The following BOK variants were observed in gnomAD, a reference collection of about 807,000 sequenced individuals.
The protein encoded by BOK is BCL2 family apoptosis regulator BOK.
A neutral mutation model predicts 18.3 loss-of-function variants in BOK; 20 were observed. The observed-to-expected ratio is 1.09, with a 90% CI of 0.77 to 1.59. The LOEUF is 1.59. Among genes scored for constraint, BOK ranks in the 40% most tolerant of loss-of-function variants. BOK has a pLI of 0.00. For synonymous variants in BOK, 173 were observed against 142.4 expected (o/e 1.21, Z -1.53); for missense variants, 348 against 307.9 (o/e 1.13, Z -0.97).
chr2:241,564,805 G>A (rs1372789073), intron 3 of BOK, among the ~76,000 whole-genome samples: 2 of 152,204 alleles, frequency 1.3e-5, no homozygotes, highest in Admixed American at 1.3e-4. Context: ...TGTCTGTCTC[G>A]GGGCCGCTGG....
intron 2 of BOK, among the ~76,000 whole-genome samples, chr2:241,561,395 G>T (rs1366045324): frequency 6.6e-6 from 1 of 151,960 alleles, no homozygotes; most frequent in Non-Finnish European, 1.5e-5. Context: ...GGCAGCAAGA[G>T]CCCAGGTGGG....
Position 241,572,338 on chromosome 2 carries a change from C to T in BOK, c.555C>T (p.Leu185=). The T allele has an allele frequency of 6.2e-7, 1 of 1,610,998 alleles. No individual in the cohort carries two copies. Among genetic ancestry groups the T allele is most frequent in the Non-Finnish European group, 8.5e-7 (1 of 1,179,840 alleles). ...LKCVVSTDPG[L]RSHWLVAALC... ...GTGTGGTCAGCACAGACCCTGGCCT[C>T]CGCTCCCACTGGCTGGTGGCTGCAC... Residue 185 remains leucine (L), a synonymous_variant, in exon 5 of 5, where the codon CTC becomes CTT. Coordinates refer to ENST00000318407, the MANE Select transcript of BOK (RefSeq NM_032515.5).
intron 3 of BOK, among the ~76,000 whole-genome samples, chr2:241,565,591 C>T (rs1410523120): frequency 6.6e-6 from 1 of 152,246 alleles, no homozygotes; most frequent in Non-Finnish European, 1.5e-5. Flanking sequence ...CCTCCCTCTC[C>T]TCCTCTTAGC....
chr2:241,556,230 G>A (rs2066449124), upstream of BOK, among the ~76,000 whole-genome samples: 1 of 152,188 alleles, frequency 6.6e-6, no homozygotes, highest in Non-Finnish European at 1.5e-5. Flanking sequence ...CTGTACTACA[G>A]CTTTTCTGAA....
At chr2:241,560,698 G>C (rs1447075845) in intron 2 of BOK, among the ~76,000 whole-genome samples, 1 of 152,190 alleles carries the variant, frequency 6.6e-6, no homozygotes, top group Non-Finnish European at 1.5e-5. Context: ...AGAGGTCTCT[G>C]GGTGGGAGCT....
chr2:241,553,037 C>T (rs948920875), intron 1 of BOK, among the ~76,000 whole-genome samples: 4 of 152,228 alleles, frequency 2.6e-5, no homozygotes, highest in Non-Finnish European at 5.9e-5. Flanking sequence ...GTGAGGTGGC[C>T]GGCACAAAGT....
upstream of BOK, among the ~76,000 whole-genome samples, chr2:241,557,308 C>CTTTTTTTTTT (rs59048690): frequency 7.9e-6 from 1 of 126,748 alleles, no homozygotes. Flanking sequence ...TTTCTTTTTC[C>CTTTTTTTTTT]TTTTTTTTTT....
At chr2:241,554,186 C>T (rs866731679), upstream of BOK, among the ~76,000 whole-genome samples, 4 of 152,142 alleles carry the variant, frequency 2.6e-5, no homozygotes, top group Non-Finnish European at 5.9e-5. Context: ...CGTTCTGTGC[C>T]GTCAGGGGCT....
In BOK at chr2:241,551,830, G is replaced by A. The variant is rs149737218; in HGVS notation, n.54+353G>A. Among the ~76,000 whole-genome samples, 6 of 152,286 alleles carry A rather than the reference G, an allele frequency of 3.9e-5. No individual in the cohort carries two copies. The East Asian group carries it at 1.2e-3, about 30-fold the overall frequency. On this transcript the variant is annotated intron_variant and non_coding_transcript_variant, in intron 1 of 1. Coordinates refer to the BOK transcript ENST00000641230. ...GGTTCGACCGCAGCGAGGGTGGGCTGGGATGGTGGAGGTGTCTTGCCGCCC... is the reference window on the plus strand; with the variant it reads ...GGTTCGACCGCAGCGAGGGTGGGCTAGGATGGTGGAGGTGTCTTGCCGCCC...
At position 241,559,567 on chromosome 2, in the gene BOK, G is replaced by T. The variant is rs780362843; in HGVS notation, c.84G>T (p.Val28=). Residue 28 remains valine (V), a synonymous_variant, in exon 2 of 5, where the codon GTG becomes GTT. Coordinates refer to ENST00000318407, the MANE Select transcript of BOK (RefSeq NM_032515.5). ...FDRSPTDKEL[V]AQAKALGREY... is the part of the protein sequence containing the mutation. The stretch of plus-strand genomic sequence containing the variant: ...GCTCGCCCACAGACAAGGAGCTGGT[G>T]GCCCAGGCCAAGGCGCTGGGCCGGG... 1.3e-5 allele frequency: 20 copies of T among 1,527,792 alleles called. No homozygotes were observed. The Admixed American group carries it at 3.7e-4, about 29-fold the overall frequency. 94.6% of individuals were successfully genotyped at this position (1,527,792 alleles called of 1,614,324 possible). A position where few individuals can be genotyped will look rare whatever the true frequency, so the allele number is the denominator to read the frequency against.
In BOK at chr2:241,572,395, C is replaced by G. The variant is rs552683976; in HGVS notation, c.612C>G (p.Ala204=). The G allele has an allele frequency of 6.2e-7, 1 of 1,601,662 alleles. No homozygotes were observed. The highest frequency in any genetic ancestry group is 8.5e-7 in the Non-Finnish European group (1 of 1,178,850). Residue 204 remains alanine, a synonymous_variant, in exon 5 of 5, where the codon GCC becomes GCG. Coordinates refer to ENST00000318407, the MANE Select transcript of BOK (RefSeq NM_032515.5). ...LCSFGRFLKA[A]FFVLLPER is the part of the protein sequence containing the mutation. Reference sequence around the variant, plus strand: ...GCTTCGGCCGCTTCCTGAAGGCTGCCTTCTTCGTGCTGCTGCCAGAGAGAT... The same window carrying G: ...GCTTCGGCCGCTTCCTGAAGGCTGCGTTCTTCGTGCTGCTGCCAGAGAGAT...
At chr2:241,554,520 G>A (rs1428369344), upstream of BOK, among the ~76,000 whole-genome samples, 1 of 152,204 alleles carries the variant, frequency 6.6e-6, no homozygotes, top group African/African-American at 2.4e-5. Flanking sequence ...GGCCAGGTAT[G>A]AGACCCAGGC....
At chr2:241,565,894 G>A (rs956804395) in intron 3 of BOK, among the ~76,000 whole-genome samples, 1 of 152,072 alleles carries the variant, frequency 6.6e-6, no homozygotes, top group Non-Finnish European at 1.5e-5. Flanking sequence ...TTAAAAGTTG[G>A]CAATAGTGTT....
upstream of BOK, among the ~76,000 whole-genome samples, chr2:241,555,156 T>G (rs916304846): frequency 6.6e-6 from 1 of 152,190 alleles, no homozygotes; most frequent in Non-Finnish European, 1.5e-5. Context: ...GCGGTCTAGG[T>G]ACTCCAGATT....
upstream of BOK, among the ~76,000 whole-genome samples, chr2:241,558,069 A>ACACACACACACACACACACACACG (rs2066468747): frequency 6.6e-6 from 1 of 151,954 alleles, no homozygotes; most frequent in Admixed American, 6.6e-5. Flanking sequence ...ACACACACAC[A>ACACACACACACACACACACACACG]CACACACACT....
rs936334533 is a variant in BOK, at chr2:241,573,480, G to A, written c.*1058G>A. The stretch of plus-strand genomic sequence containing the variant: ...CCTGGCTGAAGCTGGAAGAGCTGTG[G>A]GGACTCAGCCTGTAAACAGAGCGTA... On this transcript the variant is annotated 3_prime_UTR_variant, in exon 5 of 5. Transcript: ENST00000318407. 6.6e-6 allele frequency: 1 copy of A among 152,410 alleles called. No individual in the cohort carries two copies. Among genetic ancestry groups the A allele is most frequent in the African/African-American group, 2.4e-5 (1 of 41,456 alleles). The allele number at this position is 152,410 out of a possible 1,614,324, so 9.4% of individuals were successfully genotyped here.
chr2:241,569,279 G>T (rs185839588), intron 3 of BOK, among the ~76,000 whole-genome samples: 1 of 151,582 alleles, frequency 6.6e-6, no homozygotes, highest in African/African-American at 2.4e-5. Flanking sequence ...TTATAGGCGC[G>T]TGCCACCACG....
chr2:241,560,119 G>A (rs1031462381), intron 2 of BOK: 12 of 985,166 alleles, frequency 1.2e-5, no homozygotes, highest in African/African-American at 1.7e-5. Context: ...TCTGGATTCC[G>A]AGGCCTCCGA....
intron 3 of BOK, among the ~76,000 whole-genome samples, chr2:241,565,949 T>C (rs1306080783): frequency 6.6e-6 from 1 of 152,188 alleles, no homozygotes; most frequent in Non-Finnish European, 1.5e-5. Flanking sequence ...TAAATACATA[T>C]GTAATTTTAT....
Sources: allele counts gnomAD v4.1 joint callset (sites outside exome capture counted in the v4.1 genomes callset), GRCh38; gene constraint gnomAD v4.1.1; transcripts MANE v1.5; gene names NCBI Gene and HGNC (gene_info 2026-07-23, HGNC 2026-07-21).